SHISA9: variants seen among roughly 807,000 people sequenced by gnomAD.
SHISA9 encodes protein shisa-9.
Under a neutral mutation model 38.0 loss-of-function variants are expected in SHISA9, and 13 were observed. The observed-to-expected ratio is 0.34, with a 90% CI of 0.22 to 0.54. The LOEUF is 0.54. Among genes scored for constraint, SHISA9 ranks in the 20% least tolerant of loss-of-function variants. The pLI, the probability that SHISA9 is intolerant of heterozygous loss-of-function variation, is 0.91. For missense variants in SHISA9, 538 were observed against 575.8 expected (o/e 0.93, Z 0.67); for synonymous variants, 275 against 242.0 (o/e 1.14, Z -1.27).
chr16:13,085,111 G>T (rs2073695778), intron 2 of SHISA9, among the ~76,000 whole-genome samples: 2 of 152,144 alleles, frequency 1.3e-5, no homozygotes. Context: ...TTCTGATTGT[G>T]GTGGATTGAG....
At chr16:13,419,063 G>C in the SHISA9 span, among the ~76,000 whole-genome samples, 1 of 152,184 alleles carries the variant, frequency 6.6e-6, no homozygotes, top group East Asian at 1.9e-4. Flanking sequence ...ATAAACCCAC[G>C]TGTATGAACT....
chr16:13,560,163 T>C, the SHISA9 span, among the ~76,000 whole-genome samples: 2 of 152,316 alleles, frequency 1.3e-5, no homozygotes, highest in Non-Finnish European at 1.5e-5. Context: ...TTAGCTCGAT[T>C]TGGTTTCTCT....
chr16:13,444,511 T>C, the SHISA9 span, among the ~76,000 whole-genome samples: 1 of 152,076 alleles, frequency 6.6e-6, no homozygotes, highest in Non-Finnish European at 1.5e-5. Context: ...CTTTTGGAAA[T>C]ATTTTCATTT....
At chr16:13,473,809 G>C in the SHISA9 span, among the ~76,000 whole-genome samples, 3 of 151,738 alleles carry the variant, frequency 2.0e-5, no homozygotes, top group African/African-American at 7.3e-5. Context: ...TTGTTTGTGT[G>C]TGTTCTTTTT....
chr16:12,992,585 C>T (rs2072402189), intron 2 of SHISA9, among the ~76,000 whole-genome samples: 1 of 151,840 alleles, frequency 6.6e-6, no homozygotes, highest in Admixed American at 6.6e-5. Context: ...ACCAAAATTG[C>T]CCCAGGTCAC....
chr16:13,499,079 A>G, the SHISA9 span, among the ~76,000 whole-genome samples: 21 of 152,166 alleles, frequency 1.4e-4, no homozygotes, highest in Non-Finnish European at 2.2e-4. Context: ...ATAAATCTGT[A>G]CACTTCTGGG....
chr16:13,401,494 C>G, the SHISA9 span, among the ~76,000 whole-genome samples: 3 of 152,192 alleles, frequency 2.0e-5, no homozygotes, highest in Admixed American at 6.5e-5. Flanking sequence ...GCCTAACCCC[C>G]CAGTGGGACT....
the SHISA9 span, among the ~76,000 whole-genome samples, chr16:13,333,801 G>T: frequency 1.3e-5 from 2 of 152,152 alleles, no homozygotes; most frequent in African/African-American, 4.8e-5. Context: ...GGGAAGTTGG[G>T]GAGGGGGAAT....
the SHISA9 span, among the ~76,000 whole-genome samples, chr16:13,503,307 G>A: frequency 6.6e-6 from 1 of 152,292 alleles, no homozygotes; most frequent in African/African-American, 2.4e-5. Flanking sequence ...TCCATGATAA[G>A]CTCTTGGATT....
intron 2 of SHISA9, among the ~76,000 whole-genome samples, chr16:13,172,740 G>GAT (rs1051402455): frequency 7.7e-6 from 1 of 129,148 alleles, no homozygotes; most frequent in African/African-American, 2.9e-5. Flanking sequence ...TTATCTTGAT[G>GAT]ATTTTTTTTT....
chr16:12,907,317 C>T (rs2071115431), intron 1 of SHISA9, among the ~76,000 whole-genome samples: 1 of 148,548 alleles, frequency 6.7e-6, no homozygotes, highest in African/African-American at 2.5e-5. Flanking sequence ...TCCTCCCTTC[C>T]CTTTTCTCCC....
At chr16:13,506,469 G>C in the SHISA9 span, among the ~76,000 whole-genome samples, 2 of 152,188 alleles carry the variant, frequency 1.3e-5, no homozygotes, top group African/African-American at 4.8e-5. Context: ...GAGACAAGGA[G>C]TGTGATGAGG....
Position 12,980,285 on chromosome 16 carries a change from T to G in SHISA9, c.691+63470T>G, listed in dbSNP as rs1404361855. Among the ~76,000 whole-genome samples the G allele has an allele frequency of 2.0e-5, 3 of 152,214 alleles. No homozygotes were observed. The South Asian group carries it at 6.2e-4, about 32-fold the overall frequency. On this transcript the variant is annotated intron_variant, in intron 2 of 4. Transcript: ENST00000558583. ...AAAGTAGTTTTAATTTGGGGCTTTC[T>G]ATGGCAAATCTTTGAGGTCTCGTAC...
the SHISA9 span, among the ~76,000 whole-genome samples, chr16:13,561,694 C>G: frequency 2.2e-4 from 33 of 152,276 alleles, no homozygotes; most frequent in African/African-American, 7.7e-4. Flanking sequence ...CCATGCAGGT[C>G]AAGGTAGTGA....
chr16:13,338,898 C>G, the SHISA9 span, among the ~76,000 whole-genome samples: 1 of 152,276 alleles, frequency 6.6e-6, no homozygotes, highest in South Asian at 2.1e-4. Context: ...ACTTGGGAAC[C>G]TGGCAATTTA....
chr16:13,425,949 G>C, the SHISA9 span, among the ~76,000 whole-genome samples: 1 of 152,158 alleles, frequency 6.6e-6, no homozygotes, highest in Non-Finnish European at 1.5e-5. Context: ...GGCTGCCCAA[G>C]GTCAAGTACT....
chr16:13,075,824 C>G (rs901789071), intron 2 of SHISA9, among the ~76,000 whole-genome samples: 4 of 152,084 alleles, frequency 2.6e-5, no homozygotes, highest in African/African-American at 9.7e-5. Flanking sequence ...CTCAGTGTTT[C>G]TTATCTAGAT....
chr16:13,209,385 A>AGCAG (rs2051097093), intron 3 of SHISA9, among the ~76,000 whole-genome samples: 1 of 152,196 alleles, frequency 6.6e-6, no homozygotes, highest in Admixed American at 6.5e-5. Context: ...TGATAAAACA[A>AGCAG]GCAGGCAAGC....
At chr16:13,469,947 T>C in the SHISA9 span, among the ~76,000 whole-genome samples, 1 of 152,204 alleles carries the variant, frequency 6.6e-6, no homozygotes, top group Admixed American at 6.5e-5. Context: ...TGGCCACTTA[T>C]TGTCATCTCT....
Sources: allele counts gnomAD v4.1 joint callset (sites outside exome capture counted in the v4.1 genomes callset), GRCh38; gene constraint gnomAD v4.1.1; transcripts MANE v1.5; gene names NCBI Gene and HGNC (gene_info 2026-07-23, HGNC 2026-07-21).